The following TLN2 variants were observed in gnomAD, a reference collection of about 807,000 sequenced individuals.
TLN2 encodes the protein talin-2.
Under a neutral mutation model 294.7 loss-of-function variants are expected in TLN2, and 118 were observed. The observed-to-expected ratio is 0.40, with a 90% confidence interval of 0.34 to 0.47. TLN2 has a LOEUF of 0.47. TLN2 is among the 20% of genes least tolerant of loss of function. The pLI is 0.84. For synonymous variants in TLN2, 1,431 were observed against 1,304.5 expected (o/e 1.10, Z -2.09); for missense variants, 3,083 against 3,282.2 (o/e 0.94, Z 1.48).
intron 1 of TLN2, among the ~76,000 whole-genome samples, chr15:62,577,757 ATAGGTAT>A (rs1385538016): frequency 6.6e-6 from 1 of 152,158 alleles, no homozygotes; most frequent in Non-Finnish European, 1.5e-5. Flanking sequence ...GATTTGTTAC[ATAGGTAT>A]ACATGTGCCA....
At chr15:62,574,388 C>T (rs2044198012) in intron 1 of TLN2, among the ~76,000 whole-genome samples, 5 of 151,422 alleles carry the variant, frequency 3.3e-5, no homozygotes, top group Admixed American at 3.3e-4. Flanking sequence ...CCAGCCCAAG[C>T]AACATAGCTA....
Position 62,530,603 on chromosome 15 carries a change from C to A in TLN2, c.-237-59084C>A, listed in dbSNP as rs1246860745. ...AACTCCGGAGCTCATGATCTGCCTG[C>A]CTTGGCCTCCCAAAGTGCTGGGATT... On this transcript the variant is annotated intron_variant, in intron 1 of 58. Coordinates refer to ENST00000636159, the MANE Select transcript of TLN2 (RefSeq NM_015059.3). 2.0e-5 allele frequency among the ~76,000 whole-genome samples: 3 copies of A among 152,014 alleles called. No individual in the cohort carries two copies. The East Asian group carries it at 5.8e-4, about 29-fold the overall frequency.
chr15:62,631,239 T>G (rs1327959634), intron 3 of TLN2, among the ~76,000 whole-genome samples: 1 of 152,080 alleles, frequency 6.6e-6, no homozygotes. Flanking sequence ...CAGAGCCAAA[T>G]CACTTCCTAA....
intron 1 of TLN2, among the ~76,000 whole-genome samples, chr15:62,498,667 A>G (rs912152680): frequency 1.3e-5 from 2 of 152,162 alleles, no homozygotes; most frequent in Non-Finnish European, 2.9e-5. Flanking sequence ...AGTGAGGTAC[A>G]TCCACGTATC....
At chr15:62,788,361 C>T (rs374397671) in intron 45 of TLN2, among the ~76,000 whole-genome samples, 12 of 152,266 alleles carry the variant, frequency 7.9e-5, no homozygotes, top group African/African-American at 2.9e-4. Context: ...CCTAGTAAAA[C>T]AAAATGTTCT....
chr15:62,839,006 A>T (rs1171522385), intron 58 of TLN2, 25 bp downstream of exon 58: 3 of 1,609,542 alleles, frequency 1.9e-6, no homozygotes, highest in Non-Finnish European at 2.5e-6. Flanking sequence ...CAAGAATAGT[A>T]TTTACTTCCC....
At chr15:62,765,259 T>C (rs1401345121) in intron 40 of TLN2, among the ~76,000 whole-genome samples, 1 of 152,042 alleles carries the variant, frequency 6.6e-6, no homozygotes, top group East Asian at 1.9e-4. Flanking sequence ...ATAAAACCCT[T>C]GGCCGTCTTG....
chr15:62,631,534 T>G (rs564175936), intron 3 of TLN2, among the ~76,000 whole-genome samples: 98 of 71,650 alleles, frequency 1.4e-3, no homozygotes, highest in Non-Finnish European at 2.2e-3. Flanking sequence ...TTCCTTTCCT[T>G]TCCTTTCCTT....
chr15:62,425,959 T>G (rs1031972912), intron 1 of TLN2, among the ~76,000 whole-genome samples: 4 of 152,230 alleles, frequency 2.6e-5, no homozygotes, highest in African/African-American at 7.2e-5. Context: ...CTCTTTTGTT[T>G]GTGGTCTTCA....
At chr15:62,700,297 TG>T (rs912660240) in intron 16 of TLN2, among the ~76,000 whole-genome samples, 1 of 152,230 alleles carries the variant, frequency 6.6e-6, no homozygotes, top group African/African-American at 2.4e-5. Context: ...ATTTTTGGGA[TG>T]TTTTGGGAAG....
intron 3 of TLN2, among the ~76,000 whole-genome samples, chr15:62,632,594 A>G (rs1409797747): frequency 6.6e-6 from 1 of 152,206 alleles, no homozygotes; most frequent in Non-Finnish European, 1.5e-5. Context: ...TGAGAGTTTA[A>G]GCCACATAAA....
chr15:62,797,758 G>A (rs2065609287), intron 48 of TLN2, among the ~76,000 whole-genome samples: 1 of 152,222 alleles, frequency 6.6e-6, no homozygotes, highest in South Asian at 2.1e-4. Flanking sequence ...GAGAGCTGGT[G>A]TGGGCAGGGG....
intron 28 of TLN2, among the ~76,000 whole-genome samples, chr15:62,728,266 C>T (rs1328892090): frequency 1.3e-5 from 2 of 152,186 alleles, no homozygotes; most frequent in South Asian, 2.1e-4. Context: ...TGCTTTTTCT[C>T]AGCACTATGT....
intron 54 of TLN2, chr15:62,830,432 A>G (rs1460925775): frequency 2.0e-5 from 3 of 152,354 alleles, no homozygotes; most frequent in Non-Finnish European, 2.9e-5. Flanking sequence ...CTGCATTTTA[A>G]TTGGGATTCT....
Position 62,440,531 on chromosome 15 carries a change from GTGTT to G in TLN2, c.-238+49850_-238+49853del, listed in dbSNP as rs141056375. On this transcript the variant is annotated intron_variant, in intron 1 of 58. Transcript: ENST00000636159. Reference sequence around the variant, plus strand: ...GACTCCTAACCTAACGGGTGGGGTGGTGTTTGTGCCAAACGTCAGGGAGGACGGT... The same window carrying G: ...GACTCCTAACCTAACGGGTGGGGTGGTGTGCCAAACGTCAGGGAGGACGGT... Among the ~76,000 whole-genome samples the G allele has an allele frequency of 7.1e-3, 1,088 of 152,240 alleles. 5 individuals are homozygous for G. Among genetic ancestry groups the G allele is most frequent in the Non-Finnish European group, 0.011 (733 of 68,012 alleles).
chr15:62,562,530 C>T, intron 1 of TLN2, among the ~76,000 whole-genome samples: 1 of 150,116 alleles, frequency 6.7e-6, no homozygotes, highest in East Asian at 2.0e-4. Flanking sequence ...ATCTCTCCTC[C>T]ATTTATTTAT....
chr15:62,704,802 C>A (rs909486210), intron 19 of TLN2, among the ~76,000 whole-genome samples: 21 of 152,182 alleles, frequency 1.4e-4, no homozygotes, highest in African/African-American at 5.1e-4. Context: ...TTTCCATATC[C>A]CCAAACTGCC....
At chr15:62,602,014 C>T (rs542857679) in intron 2 of TLN2, among the ~76,000 whole-genome samples, 13 of 152,116 alleles carry the variant, frequency 8.5e-5, no homozygotes, top group Non-Finnish European at 1.9e-4. Context: ...CCATTTCTTG[C>T]CTCAGACTGA....
At chr15:62,657,171 G>A (rs904702098) in intron 8 of TLN2, among the ~76,000 whole-genome samples, 26 of 150,386 alleles carry the variant, frequency 1.7e-4, no homozygotes, top group Non-Finnish European at 3.4e-4. Context: ...GGAAGCAACA[G>A]CAGTGATGGA....
Sources: allele counts gnomAD v4.1 joint callset (sites outside exome capture counted in the v4.1 genomes callset), GRCh38; gene constraint gnomAD v4.1.1; transcripts MANE v1.5; gene names NCBI Gene and HGNC (gene_info 2026-07-23, HGNC 2026-07-21).